Variants in SEMA5B observed in about 807,000 individuals in gnomAD.
SEMA5B encodes the protein semaphorin-5B.
SEMA5B carries 66 observed loss-of-function variants against 135.0 expected under a neutral mutation model. The observed-to-expected ratio is 0.49, with a 90% CI of 0.40 to 0.60. SEMA5B has a LOEUF of 0.60. SEMA5B is among the 20% of genes least tolerant of loss of function. The pLI is 0.00. For missense variants in SEMA5B, 1,501 were observed against 1,566.3 expected, an observed-to-expected ratio of 0.96 and a Z score of 0.70; for synonymous variants, 690 against 639.5, an observed-to-expected ratio of 1.08 and a Z score of -1.19.
chr3:122,963,466 C>T (rs1420563903), intron 1 of SEMA5B, among the ~76,000 whole-genome samples: 1 of 146,240 alleles, frequency 6.8e-6, no homozygotes, highest in Non-Finnish European at 1.5e-5. Flanking sequence ...GCACTCCAGC[C>T]TGGAAAACAG....
chr3:122,954,292 G>A (rs1264566700), intron 2 of SEMA5B, among the ~76,000 whole-genome samples: 1 of 152,218 alleles, frequency 6.6e-6, no homozygotes, highest in Non-Finnish European at 1.5e-5. Context: ...AGGAGACAGA[G>A]GCATGCTGAC....
intron 9 of SEMA5B, among the ~76,000 whole-genome samples, chr3:122,924,528 C>T (rs563117520): frequency 5.9e-5 from 9 of 152,274 alleles, no homozygotes; most frequent in African/African-American, 2.2e-4. Context: ...AATGCACCTC[C>T]GAGCTGGTCG....
intron 2 of SEMA5B, among the ~76,000 whole-genome samples, chr3:122,953,388 C>G (rs1179169196): frequency 6.6e-6 from 1 of 152,198 alleles, no homozygotes; most frequent in African/African-American, 2.4e-5. Flanking sequence ...ACCCTGAACC[C>G]CAGGCCTTAA....
At chr3:122,961,777 G>A (rs1045386276) in intron 1 of SEMA5B, among the ~76,000 whole-genome samples, 2 of 152,032 alleles carry the variant, frequency 1.3e-5, no homozygotes, top group African/African-American at 2.4e-5. Context: ...ACCACACCAG[G>A]CCTCAAACAC....
chr3:122,967,673 C>T (rs541531311), intron 1 of SEMA5B, among the ~76,000 whole-genome samples: 5 of 152,328 alleles, frequency 3.3e-5, no homozygotes, highest in South Asian at 2.1e-4. Flanking sequence ...ATCATGAGAT[C>T]GTGGGATCAT....
chr3:122,920,821 A>T (rs1938310747), intron 12 of SEMA5B, among the ~76,000 whole-genome samples: 1 of 152,108 alleles, frequency 6.6e-6, no homozygotes, highest in Admixed American at 6.5e-5. Flanking sequence ...TCCCACCCAG[A>T]TATCTGGAGA....
intron 14 of SEMA5B, 45 bp downstream of exon 14, chr3:122,915,395 A>G (rs780883160): frequency 1.9e-6 from 3 of 1,549,922 alleles, no homozygotes; most frequent in Non-Finnish European, 8.7e-7. Context: ...AGTTCTCCCC[A>G]CCCTGGTCCA....
At chr3:123,001,384 C>A (rs903103057) in intron 1 of SEMA5B, among the ~76,000 whole-genome samples, 1 of 152,106 alleles carries the variant, frequency 6.6e-6, no homozygotes, top group African/African-American at 2.4e-5. Context: ...CCACCCCCAC[C>A]CTGACCTCCA....
intron 2 of SEMA5B, among the ~76,000 whole-genome samples, chr3:122,957,781 C>A (rs543427412): frequency 1.3e-5 from 2 of 152,170 alleles, no homozygotes; most frequent in Non-Finnish European, 2.9e-5. Flanking sequence ...TTTGAATCCG[C>A]GACTGTCTGC....
At chr3:122,943,778 G>A (rs927590572) in intron 3 of SEMA5B, among the ~76,000 whole-genome samples, 2 of 152,124 alleles carry the variant, frequency 1.3e-5, no homozygotes, top group African/African-American at 4.8e-5. Flanking sequence ...GAGGCATGAA[G>A]GGATACTTAT....
At chr3:122,981,278 G>A (rs1248130528) in intron 1 of SEMA5B, among the ~76,000 whole-genome samples, 1 of 123,452 alleles carries the variant, frequency 8.1e-6, no homozygotes, top group Non-Finnish European at 1.6e-5. Context: ...AGGCCCCTCG[G>A]GGCTTGTGTT....
chr3:122,961,399 G>T, intron 1 of SEMA5B, 98 bp from the exon 2 acceptor site: 1 of 1,060,654 alleles, frequency 9.4e-7, no homozygotes, highest in South Asian at 1.7e-5. Context: ...GGACCACATG[G>T]TTGCTGCTGT....
At chr3:122,911,671 C>A in intron 20 of SEMA5B, 136 bp from the exon 21 acceptor site, 13 of 1,010,546 alleles carry the variant, frequency 1.3e-5, no homozygotes, top group Non-Finnish European at 1.8e-5. Context: ...GGCCTTCATT[C>A]CCCTCCCTCT....
intron 1 of SEMA5B, among the ~76,000 whole-genome samples, chr3:122,969,446 C>G (rs1941018166): frequency 6.6e-6 from 1 of 152,208 alleles, no homozygotes; most frequent in Non-Finnish European, 1.5e-5. Flanking sequence ...CTCCCACTGC[C>G]CAGAGCTTCC....
intron 1 of SEMA5B, among the ~76,000 whole-genome samples, chr3:123,000,284 C>T (rs1458940229): frequency 6.6e-6 from 1 of 152,176 alleles, no homozygotes; most frequent in African/African-American, 2.4e-5. Flanking sequence ...GAGAGAGGAG[C>T]TGGACTGGGA....
At chr3:123,012,940 G>A (rs1942469942) in intron 1 of SEMA5B, among the ~76,000 whole-genome samples, 2 of 152,350 alleles carry the variant, frequency 1.3e-5, no homozygotes, top group South Asian at 4.1e-4. Context: ...GCCTGGAGAG[G>A]TGTCCTTAGA....
chr3:122,978,345 G>T (rs1008210244), intron 1 of SEMA5B, among the ~76,000 whole-genome samples: 5 of 152,230 alleles, frequency 3.3e-5, no homozygotes, highest in African/African-American at 1.2e-4. Flanking sequence ...AGCTGGGGAA[G>T]CGAGCAGCTC....
rs113375515 is a variant in SEMA5B at position 122,912,355 on chromosome 3, G to A, written c.2726-13C>T. On this transcript the variant is annotated splice_polypyrimidine_tract_variant and intron_variant, in intron 18 of 22. Coordinates refer to ENST00000357599, the MANE Select transcript of SEMA5B (RefSeq NM_001031702.4). The stretch of plus-strand genomic sequence containing the variant: ...CAAGCACCCCGAACTGCAAGGGGAC[G>A]GGGTGTGTGAGGGGCTGTAGGGGCA... 3 of 1,572,896 alleles carry A rather than the reference G, an allele frequency of 1.9e-6. No individual in the cohort carries two copies. The highest frequency in any genetic ancestry group is 1.7e-6 in the Non-Finnish European group (2 of 1,159,120).
At chr3:122,917,057 G>A (rs1434856920) in intron 12 of SEMA5B, among the ~76,000 whole-genome samples, 1 of 152,158 alleles carries the variant, frequency 6.6e-6, no homozygotes, top group Non-Finnish European at 1.5e-5. Context: ...AAGTCTGTGG[G>A]GATTATGGAA....
Sources: gnomAD v4.1 joint callset for allele counts (sites outside exome capture counted in the v4.1 genomes callset) on GRCh38, gnomAD v4.1.1 for gene constraint, MANE v1.5 for transcripts, NCBI Gene and HGNC (gene_info 2026-07-23, HGNC 2026-07-21) for gene names.